TMC7: variants seen among roughly 807,000 people sequenced by gnomAD.
The protein encoded by TMC7 is transmembrane channel-like protein 7.
In TMC7, 54 loss-of-function variants were observed where a neutral mutation model predicts 82.9. The ratio of observed to expected loss-of-function variants is 0.65; its 90% confidence interval spans 0.52 to 0.82. The LOEUF is 0.82. Ranked by LOEUF, TMC7 falls within the 40% of genes least tolerant of loss-of-function variation. TMC7 has a pLI of 0.00. For missense variants in TMC7, 820 were observed against 901.2 expected, an observed-to-expected ratio of 0.91 and a Z score of 1.15; for synonymous variants, 350 against 337.9, an observed-to-expected ratio of 1.04 and a Z score of -0.39.
At chr16:19,023,537 C>T (rs2142215500) in intron 5 of TMC7, among the ~76,000 whole-genome samples, 1 of 152,280 alleles carries the variant, frequency 6.6e-6, no homozygotes, top group East Asian at 1.9e-4. Context: ...ATCTCTGCTT[C>T]CTAGGTTCAA....
chr16:19,027,061 CTTTTTTTTT>C (rs35769515), intron 5 of TMC7, among the ~76,000 whole-genome samples: 4,599 of 56,602 alleles, frequency 0.081, 217 homozygotes, highest in Middle Eastern at 0.12. Context: ...CACACCTGAC[CTTTTTTTTT>C]TTTTTTTTTT....
intron 1 of TMC7, among the ~76,000 whole-genome samples, chr16:18,985,878 G>A (rs1304243373): frequency 6.6e-6 from 1 of 151,966 alleles, no homozygotes; most frequent in Non-Finnish European, 1.5e-5. Flanking sequence ...TTTAAAGAAT[G>A]AGAAGTGTGA....
At chr16:19,030,094 TG>T in intron 5 of TMC7, 129 bp from the exon 6 acceptor site, 1 of 875,916 alleles carries the variant, frequency 1.1e-6, no homozygotes, top group Admixed American at 2.4e-5. Flanking sequence ...CCTCTGGGGC[TG>T]TTCCAGTCTC....
In TMC7 at chr16:18,983,975, G is replaced by C. The variant is rs2038795213; in HGVS notation, c.-89G>C. 2 of 1,297,652 alleles carry C rather than the reference G, an allele frequency of 1.5e-6. No individual in the cohort carries two copies. Among genetic ancestry groups the C allele is most frequent in the Non-Finnish European group, 2.0e-6 (2 of 1,014,994 alleles). The allele number at this position is 1,297,652 out of a possible 1,614,324, so 80.4% of individuals were successfully genotyped here. A position where few individuals can be genotyped will look rare whatever the true frequency, so the allele number is the denominator to read the frequency against. ...TGTCAGCGCCGGAACCTGGAATCCC[G>C]GCTCCGCGAGGGAAGGCCGGGGAGG... On this transcript the variant is annotated 5_prime_UTR_variant, in exon 1 of 16. Transcript: ENST00000304381.
chr16:19,013,137 TA>T (rs1959472169), intron 2 of TMC7, among the ~76,000 whole-genome samples: 1 of 151,666 alleles, frequency 6.6e-6, no homozygotes, highest in Non-Finnish European at 1.5e-5. Context: ...TTCTAATTGC[TA>T]ATAGTTGTTA....
At chr16:19,058,304 C>T (rs1394825376) in intron 14 of TMC7, among the ~76,000 whole-genome samples, 6 of 152,006 alleles carry the variant, frequency 3.9e-5, no homozygotes, top group East Asian at 1.9e-4. Flanking sequence ...TCCTTGAACC[C>T]GAGAGGCAGA....
rs2038802556 is a variant in TMC7, at chr16:18,984,230, CCCACCCCCGA to C, written c.67+102_67+111del. 1.4e-5 allele frequency: 19 copies of C among 1,359,300 alleles called. No homozygotes were observed. The South Asian group carries it at 3.4e-4, about 24-fold the overall frequency. The allele number at this position is 1,359,300 out of a possible 1,614,324, so 84.2% of individuals were successfully genotyped here. ...AGGCTCGGCCTGGCCGCTGTTCCCT[CCCACCCCCGA>C]CGCCGGGTGCTCCCGGCTCTGGGGA... On this transcript the variant is annotated intron_variant, in intron 1 of 15. Coordinates refer to ENST00000304381, the MANE Select transcript of TMC7 (RefSeq NM_024847.4).
At chr16:19,045,307 G>T (rs1406749828) in intron 10 of TMC7, 34 bp from the exon 11 acceptor site, 15 of 1,555,312 alleles carry the variant, frequency 9.6e-6, no homozygotes, top group Non-Finnish European at 1.2e-5. Context: ...CTCAGCTAGG[G>T]TCTTTCAGTT....
intron 1 of TMC7, among the ~76,000 whole-genome samples, chr16:19,004,260 G>A (rs995977404): frequency 1.2e-4 from 19 of 152,006 alleles, no homozygotes; most frequent in African/African-American, 4.1e-4. Context: ...TGTCTAAAGA[G>A]GAAAAATCAG....
At chr16:19,000,424 G>A (rs972668381) in intron 1 of TMC7, among the ~76,000 whole-genome samples, 13 of 152,000 alleles carry the variant, frequency 8.6e-5, no homozygotes, top group South Asian at 4.1e-4. Flanking sequence ...CTGAGATTGC[G>A]CCACTGCACC....
rs375390758 is a variant in TMC7 at position 19,011,169 on chromosome 16, A to G, written c.311+1754A>G. Among the ~76,000 whole-genome samples, 26 of 152,280 alleles carry G rather than the reference A, an allele frequency of 1.7e-4. No individual in the cohort carries two copies. In the East Asian group the frequency reaches 4.2e-3, roughly 25 times the overall value. On this transcript the variant is annotated intron_variant, in intron 2 of 15. Coordinates refer to ENST00000304381, the MANE Select transcript of TMC7 (RefSeq NM_024847.4). ...TTTCTACCAGAGAGAATTTAGCCAC[A>G]TGGTCATACCTAACTGCCAGGAAGG...
chr16:19,025,085 T>C (rs975931831), intron 5 of TMC7, among the ~76,000 whole-genome samples: 6 of 152,056 alleles, frequency 3.9e-5, no homozygotes, highest in Non-Finnish European at 1.5e-5. Context: ...AACTCTGTGT[T>C]GTGTAGAGCT....
intron 6 of TMC7, among the ~76,000 whole-genome samples, chr16:19,034,020 A>C (rs1960631175): frequency 6.6e-6 from 1 of 152,226 alleles, no homozygotes; most frequent in South Asian, 2.1e-4. Flanking sequence ...TTTTATACCA[A>C]GTGCCAGGTG....
At position 19,009,433 on chromosome 16, in the gene TMC7, C is replaced by G; in HGVS notation, c.311+18C>G. 6.2e-7 allele frequency: 1 copy of G among 1,604,568 alleles called. No homozygotes were observed. The highest frequency in any genetic ancestry group is 8.5e-7 in the Non-Finnish European group (1 of 1,173,494). The stretch of plus-strand genomic sequence containing the variant: ...AGACTAAGGTTTGTTCACTAGCCAC[C>G]TGGAACCTGCATTGTGTATGTTATG... On this transcript the variant is annotated intron_variant, in intron 2 of 15. Coordinates refer to ENST00000304381, the MANE Select transcript of TMC7 (RefSeq NM_024847.4).
intron 1 of TMC7, among the ~76,000 whole-genome samples, chr16:18,989,596 C>G (rs1350453264): frequency 1.4e-5 from 2 of 142,074 alleles, no homozygotes; most frequent in Admixed American, 7.1e-5. Context: ...GGGCCCTGAG[C>G]GATCACCACA....
intron 4 of TMC7, among the ~76,000 whole-genome samples, chr16:19,022,768 C>T (rs61171024): frequency 0.014 from 2,175 of 152,324 alleles, 58 homozygotes; most frequent in African/African-American, 0.05. Context: ...GGGGCTCACG[C>T]CTGTAATCCC....
chr16:19,056,863 G>A (rs902386686), intron 14 of TMC7, among the ~76,000 whole-genome samples, 166 bp downstream of exon 14: 2 of 152,076 alleles, frequency 1.3e-5, no homozygotes, highest in African/African-American at 2.4e-5. Context: ...GGTGGCTCAT[G>A]CCTGTAATCC....
At position 19,037,987 on chromosome 16, in the gene TMC7, A is replaced by T. The variant is rs76074663; in HGVS notation, c.1119A>T (p.Leu373Phe). 1 of 1,614,128 alleles carries T rather than the reference A, an allele frequency of 6.2e-7. No individual in the cohort carries two copies. The highest frequency in any genetic ancestry group is 8.5e-7 in the Non-Finnish European group (1 of 1,180,016). Residue 373 changes from leucine (L) to phenylalanine (F), a missense_variant, in exon 8 of 16, where the codon TTA (leucine) becomes TTT (phenylalanine). Leu to Phe is a conservative substitution (Grantham distance 22). Coordinates refer to ENST00000304381, the MANE Select transcript of TMC7 (RefSeq NM_024847.4). ...LFLNCIVLAV[L>F]GACFYAIYVA... ...TGAACTGTATTGTTCTGGCTGTTTT[A>T]GGGGCATGCTTTTATGCAATATACG...
At chr16:19,008,745 T>G (rs1221510873) in intron 1 of TMC7, among the ~76,000 whole-genome samples, 1 of 152,212 alleles carries the variant, frequency 6.6e-6, no homozygotes, top group Non-Finnish European at 1.5e-5. Flanking sequence ...TGCATTTGCA[T>G]GGTATACTTT....
Sources: allele counts gnomAD v4.1 joint callset (sites outside exome capture counted in the v4.1 genomes callset), GRCh38; gene constraint gnomAD v4.1.1; transcripts MANE v1.5; gene names NCBI Gene and HGNC (gene_info 2026-07-23, HGNC 2026-07-21).